CFAP70: variants seen among roughly 807,000 people sequenced by gnomAD.
CFAP70 encodes cilia- and flagella-associated protein 70.
A neutral mutation model predicts 137.6 loss-of-function variants in CFAP70; 81 were observed. The observed-to-expected ratio is 0.59, with a 90% CI of 0.49 to 0.71. The LOEUF (loss-of-function observed/expected upper bound fraction) is 0.71, where lower values mean the gene tolerates loss of function less well. CFAP70 is among the 30% of genes least tolerant of loss of function. The probability of loss-of-function intolerance (pLI) is 0.00; values close to 1 mark genes in which losing one functional copy is unlikely to be tolerated. For missense variants in CFAP70, 976 were observed against 1,226.7 expected, an observed-to-expected ratio of 0.80 and a Z score of 3.05; for synonymous variants, 382 against 423.6, an observed-to-expected ratio of 0.90 and a Z score of 1.20.
intron 12 of CFAP70, among the ~76,000 whole-genome samples, chr10:73,307,571 G>GTTTA (rs1409485609): frequency 1.3e-5 from 2 of 152,144 alleles, no homozygotes; most frequent in Non-Finnish European, 2.9e-5. Flanking sequence ...CTATATTACT[G>GTTTA]TCAGACAAAA....
chr10:73,343,078 C>T (rs1015348551), intron 5 of CFAP70, among the ~76,000 whole-genome samples: 1 of 151,878 alleles, frequency 6.6e-6, no homozygotes, highest in African/African-American at 2.4e-5. Flanking sequence ...GGCCTGGTGG[C>T]GGGTGCCTGT....
chr10:73,284,807 A>C (rs1239500769), intron 19 of CFAP70, among the ~76,000 whole-genome samples: 1 of 81,692 alleles, frequency 1.2e-5, no homozygotes, highest in African/African-American at 4.2e-5. Context: ...TATATATAAA[A>C]GTTGTTTTGG....
intron 12 of CFAP70, among the ~76,000 whole-genome samples, chr10:73,304,132 C>A (rs2132027535): frequency 6.6e-6 from 1 of 152,204 alleles, no homozygotes; most frequent in South Asian, 2.1e-4. Flanking sequence ...TCTCAGCTCA[C>A]TGCAACCTCC....
chr10:73,326,581 G>A (rs1589497228), intron 8 of CFAP70, among the ~76,000 whole-genome samples: 2 of 150,486 alleles, frequency 1.3e-5, no homozygotes, highest in East Asian at 3.9e-4. Flanking sequence ...AAAATTGATA[G>A]ACTGCTAGCA....
At chr10:73,342,262 G>A (rs1340652938) in intron 5 of CFAP70, among the ~76,000 whole-genome samples, 1 of 152,138 alleles carries the variant, frequency 6.6e-6, no homozygotes. Flanking sequence ...ATATCAGCCA[G>A]GCAAGGTGGC....
intron 25 of CFAP70, among the ~76,000 whole-genome samples, chr10:73,256,621 T>C (rs2044529570): frequency 6.6e-6 from 1 of 151,884 alleles, no homozygotes; most frequent in African/African-American, 2.4e-5. Context: ...AAATTCCTCC[T>C]GGCCAGGCGT....
chr10:73,265,119 A>C (rs1245498546), intron 25 of CFAP70, among the ~76,000 whole-genome samples: 1 of 152,146 alleles, frequency 6.6e-6, no homozygotes. Flanking sequence ...AGGTCAGGAG[A>C]TCGAGACCAT....
chr10:73,322,457 G>A (rs1033922260), intron 9 of CFAP70, among the ~76,000 whole-genome samples: 1 of 151,322 alleles, frequency 6.6e-6, no homozygotes, highest in Non-Finnish European at 1.5e-5. Context: ...CACATCTGTA[G>A]TCCCAGCTAT....
intron 3 of CFAP70, among the ~76,000 whole-genome samples, chr10:73,352,090 A>C (rs2054324272): frequency 1.3e-5 from 2 of 152,200 alleles, no homozygotes; most frequent in Admixed American, 1.3e-4. Context: ...TTCTGACTCT[A>C]AACTAGGCCT....
intron 6 of CFAP70, among the ~76,000 whole-genome samples, chr10:73,336,742 C>T (rs567905285): frequency 5.3e-5 from 8 of 151,986 alleles, no homozygotes; most frequent in Admixed American, 6.6e-5. Context: ...CACGCCACCA[C>T]GCCCGGCTAA....
chr10:73,269,363 G>A (rs563813957), intron 25 of CFAP70, among the ~76,000 whole-genome samples: 22 of 152,270 alleles, frequency 1.4e-4, no homozygotes, highest in Non-Finnish European at 2.9e-4. Flanking sequence ...AGTTTATGTT[G>A]TGATACAATA....
chr10:73,302,846 C>T (rs7897627), intron 12 of CFAP70, among the ~76,000 whole-genome samples: 15,924 of 151,074 alleles, frequency 0.11, 1,204 homozygotes, highest in East Asian at 0.3. Context: ...TAATCTTTTA[C>T]AAGTATTGAC....
chr10:73,362,073 A>T (rs1204218838), upstream of CFAP70, among the ~76,000 whole-genome samples: 2 of 152,238 alleles, frequency 1.3e-5, no homozygotes, highest in Non-Finnish European at 2.9e-5. Context: ...TTGAATTGAG[A>T]GTTCAGAAAT....
chr10:73,332,595 G>A (rs77197776), intron 7 of CFAP70, among the ~76,000 whole-genome samples: 8,777 of 152,112 alleles, frequency 0.058, 537 homozygotes, highest in East Asian at 0.3. Context: ...ACTTCTCCCC[G>A]ACAATTTGCC....
rs150271894 is a variant in CFAP70 at position 73,312,881 on chromosome 10, G to C, written c.913-238C>G. 2.0e-4 allele frequency among the ~76,000 whole-genome samples: 31 copies of C among 152,240 alleles called. 1 individual carries two copies. In the East Asian group the frequency reaches 6.0e-3, roughly 29 times the overall value. On this transcript the variant is annotated intron_variant, in intron 9 of 26. Coordinates refer to ENST00000310715, the Ensembl canonical transcript of CFAP70. ...GGATTTAAAGGAGACCTTACAACCT[G>C]GCTTGATTCTGGGATCTCATAACTC...
At chr10:73,312,438 TA>T in intron 10 of CFAP70, 34 bp downstream of exon 11, 1 of 1,496,354 alleles carries the variant, frequency 6.7e-7, no homozygotes, top group Non-Finnish European at 9.0e-7. Flanking sequence ...GAATGTAATC[TA>T]AGAGGCAAAA....
chr10:73,265,026 G>C (rs2133634544), intron 25 of CFAP70, among the ~76,000 whole-genome samples: 1 of 152,032 alleles, frequency 6.6e-6, no homozygotes, highest in South Asian at 2.1e-4. Flanking sequence ...GCTTCTTTTT[G>C]CACTAAAGAA....
Position 73,272,489 on chromosome 10 carries a change from T to C in CFAP70, c.2925+439A>G, listed in dbSNP as rs147104510. 8.5e-5 allele frequency among the ~76,000 whole-genome samples: 13 copies of C among 152,310 alleles called. No individual in the cohort carries two copies. The East Asian group carries it at 2.5e-3, about 29-fold the overall frequency. On this transcript the variant is annotated intron_variant, in intron 24 of 26. Coordinates refer to ENST00000310715, the Ensembl canonical transcript of CFAP70. ...CTGGAGGAAATGAGGGAAGGTTAAG[T>C]AAAGAGTTTTTAGGAGAAGCAGAGC... is the stretch of plus-strand genomic sequence containing the variant.
rs1324951043 is a variant in CFAP70, at chr10:73,331,165, G to A, written c.777+12C>T. On this transcript the variant is annotated intron_variant, in intron 8 of 26. Coordinates refer to ENST00000310715, the Ensembl canonical transcript of CFAP70. ...ATTTCTTATATAAATATTTTTGAGGGGGCATATTTACCTTTTCAGTTTTGC... is the reference window on the plus strand; with the variant it reads ...ATTTCTTATATAAATATTTTTGAGGAGGCATATTTACCTTTTCAGTTTTGC... 1.3e-6 allele frequency: 2 copies of A among 1,567,964 alleles called. No homozygotes were observed. Among genetic ancestry groups the A allele is most frequent in the South Asian group, 2.2e-5 (2 of 89,076 alleles).
Sources: allele counts gnomAD v4.1 joint callset (sites outside exome capture counted in the v4.1 genomes callset), GRCh38; gene constraint gnomAD v4.1.1; transcripts MANE v1.5; gene names NCBI Gene and HGNC (gene_info 2026-07-23, HGNC 2026-07-21).